The following ZC3H13 variants were observed in gnomAD, a reference collection of about 807,000 sequenced individuals.
The protein encoded by ZC3H13 is zinc finger CCCH-type containing 13.
A neutral mutation model predicts 204.1 loss-of-function variants in ZC3H13; 64 were observed. The ratio of observed to expected loss-of-function variants is 0.31; its 90% CI spans 0.26 to 0.39. ZC3H13 has a LOEUF of 0.39. Ranked by LOEUF, ZC3H13 falls within the 10% of genes least tolerant of loss-of-function variation. The probability of loss-of-function intolerance (pLI) is 1.00; values close to 1 mark genes in which losing one functional copy is unlikely to be tolerated. For missense variants in ZC3H13, 1,833 were observed against 2,082.7 expected (o/e 0.88, Z 2.33); for synonymous variants, 667 against 693.7 (o/e 0.96, Z 0.60).
rs1268194504 is a variant in ZC3H13, at chr13:45,969,216, C to T, written c.3328G>A (p.Ala1110Thr). The T allele has an allele frequency of 6.2e-7, 1 of 1,613,784 alleles. No homozygotes were observed. Among genetic ancestry groups the T allele is most frequent in the African/African-American group, 1.3e-5 (1 of 75,002 alleles). Residue 1110 changes from alanine to threonine, a missense_variant, in exon 14 of 19, where the codon GCC (alanine) becomes ACC (threonine). Around this residue, in one of 5 missense-constraint regions of ZC3H13, gnomAD observed 1,574 missense variants for 1,757.2 expected, o/e 0.90. Coordinates refer to ENST00000679008, the MANE Select transcript of ZC3H13 (RefSeq NM_001330564.2). ...GTTGCAGGCACAGTTGTAGCAGTGG[C>T]AGTAGCCACAGGCGGTGGAGGAGGA... ...LLPPPPPVAT[A>T]TATTVPATLA... is the part of the protein sequence containing the mutation.
chr13:46,038,175 C>G (rs1250300837), intron 4 of ZC3H13, among the ~76,000 whole-genome samples: 1 of 64,602 alleles, frequency 1.5e-5, no homozygotes, highest in Non-Finnish European at 2.8e-5. Context: ...GCCTTCATCT[C>G]ACGTCCACGT....
At chr13:45,985,793 T>C (rs1268944992) in intron 9 of ZC3H13, 32 bp from the exon 10 acceptor site, 2 of 1,543,790 alleles carry the variant, frequency 1.3e-6, no homozygotes. Flanking sequence ...TGACTGTAAT[T>C]GCTTTTACAA....
chr13:46,011,862 C>T (rs1239936257), intron 5 of ZC3H13, among the ~76,000 whole-genome samples: 1 of 152,128 alleles, frequency 6.6e-6, no homozygotes, highest in Non-Finnish European at 1.5e-5. Context: ...ATGCACTCAG[C>T]TGAATTTCTA....
intron 8 of ZC3H13, 23 bp from the exon 9 acceptor site, chr13:45,989,120 T>C: frequency 6.3e-7 from 1 of 1,599,040 alleles, no homozygotes. Context: ...ACAATAACAA[T>C]AAAACATGTA....
intron 5 of ZC3H13, among the ~76,000 whole-genome samples, chr13:46,013,324 G>A (rs1208906145): frequency 6.6e-6 from 1 of 151,772 alleles, no homozygotes; most frequent in Non-Finnish European, 1.5e-5. Flanking sequence ...AGAGGCAGGA[G>A]AATTGCTTGA....
rs2041710510 is a variant in ZC3H13 at position 46,013,474 on chromosome 13, T to C, written c.449-1920A>G. ...AATGTAGTAAATATAACTAATATAG[T>C]TTGCTCAGAAGAAAAGCTCTCAGGT... On this transcript the variant is annotated intron_variant, in intron 5 of 18. Transcript: ENST00000679008. Among the ~76,000 whole-genome samples, 3 of 151,842 alleles carry C rather than the reference T, an allele frequency of 2.0e-5. 1 individual carries two copies. Among genetic ancestry groups the C allele is most frequent in the African/African-American group, 4.8e-5 (2 of 41,368 alleles).
chr13:45,990,051 G>A (rs1330344053), intron 8 of ZC3H13, among the ~76,000 whole-genome samples: 1 of 152,088 alleles, frequency 6.6e-6, no homozygotes, highest in Non-Finnish European at 1.5e-5. Flanking sequence ...GTGCAGTGAT[G>A]GCACAAATCA....
At position 45,975,291 on chromosome 13, in the gene ZC3H13, T is replaced by A. The variant is rs756903849; in HGVS notation, c.2460A>T (p.Arg820Ser). 2 of 1,606,172 alleles carry A rather than the reference T, an allele frequency of 1.2e-6. No homozygotes were observed. The highest frequency in any genetic ancestry group is 8.5e-7 in the Non-Finnish European group (1 of 1,175,146). ...DRNPRDGHDE[R>S]KSKKRYRNEG... ...CTGATAATTATTCTTACTTTGATTT[T>A]CTTTCATCATGTCCATCTCTTGGAT... Residue 820 changes from arginine to serine, a missense_variant, in exon 12 of 19, where the codon AGA becomes AGT. Coordinates refer to ENST00000679008, the MANE Select transcript of ZC3H13 (RefSeq NM_001330564.2).
intron 17 of ZC3H13, among the ~76,000 whole-genome samples, chr13:45,960,438 A>C (rs1327747348): frequency 3.3e-5 from 5 of 152,178 alleles, no homozygotes; most frequent in African/African-American, 1.2e-4. Context: ...GTGACCTCTA[A>C]AAAAATTAGT....
chr13:46,031,366 A>G (rs761876401), intron 4 of ZC3H13, among the ~76,000 whole-genome samples: 19 of 152,154 alleles, frequency 1.2e-4, no homozygotes, highest in Non-Finnish European at 2.5e-4. Context: ...GAGAGTATCT[A>G]GATGACCTTG....
intron 13 of ZC3H13, 113 bp downstream of exon 13, chr13:45,970,249 G>A (rs1952473247): frequency 1.7e-6 from 2 of 1,208,506 alleles, no homozygotes; most frequent in Admixed American, 2.2e-5. Context: ...AGGCAGCAAA[G>A]CAAGACAACT....
intron 2 of ZC3H13, 111 bp downstream of exon 2, chr13:46,045,280 C>T: frequency 9.3e-7 from 1 of 1,072,312 alleles, no homozygotes; most frequent in Non-Finnish European, 1.4e-6. Flanking sequence ...AAAAAATTTA[C>T]TGAACAAACA....
intron 3 of ZC3H13, among the ~76,000 whole-genome samples, chr13:46,042,566 G>C (rs1430860486): frequency 1.3e-5 from 2 of 152,106 alleles, no homozygotes; most frequent in East Asian, 3.9e-4. Context: ...AATTATATGT[G>C]AACTGAGAAA....
At chr13:45,997,480 T>C (rs989168024) in intron 8 of ZC3H13, among the ~76,000 whole-genome samples, 1 of 152,170 alleles carries the variant, frequency 6.6e-6, no homozygotes, top group African/African-American at 2.4e-5. Flanking sequence ...CAAAGTTTTA[T>C]ACATAACTCA....
At position 45,963,982 on chromosome 13, in the gene ZC3H13, G is replaced by C. The variant is rs1353253247; in HGVS notation, c.4535C>G (p.Pro1512Arg). 6.2e-7 allele frequency: 1 copy of C among 1,614,074 alleles called. No individual in the cohort carries two copies. Among genetic ancestry groups the C allele is most frequent in the Non-Finnish European group, 8.5e-7 (1 of 1,179,992 alleles). Residue 1512 changes from proline (P) to arginine (R), a missense_variant, in exon 17 of 19, where the codon CCA becomes CGA. Around this residue, in one of 5 missense-constraint regions of ZC3H13, gnomAD observed 211 missense variants for 228.4 expected, o/e 0.92. Transcript: ENST00000679008. ...TAAGAGTGCAGCCCCAGGCTCTCGT[G>C]GTTCTTTTGGATGCTTTGGCATAAG... Reference protein sequence around the residue: ...SGLMPKHPKEPREPGAALLKF... With the variant: ...SGLMPKHPKERREPGAALLKF...
chr13:45,975,128 TA>T (rs1441624441), intron 12 of ZC3H13, among the ~76,000 whole-genome samples, 154 bp downstream of exon 12: 1 of 151,992 alleles, frequency 6.6e-6, no homozygotes, highest in African/African-American at 2.4e-5. Flanking sequence ...AAAAAAACTT[TA>T]AACACCGATA....
intron 7 of ZC3H13, 200 bp downstream of exon 7, chr13:46,010,148 T>C (rs2041443790): frequency 9.6e-6 from 4 of 416,116 alleles, no homozygotes; most frequent in Non-Finnish European, 1.6e-5. Flanking sequence ...CTGAAGCATA[T>C]GTGGATGTTA....
intron 17 of ZC3H13, among the ~76,000 whole-genome samples, chr13:45,960,288 G>A (rs1566137185): frequency 1.3e-5 from 2 of 152,098 alleles, no homozygotes; most frequent in Non-Finnish European, 2.9e-5. Flanking sequence ...CGTTTTTAAA[G>A]GATGTTTTAA....
At chr13:46,047,845 A>G (rs2044084127) in intron 1 of ZC3H13, among the ~76,000 whole-genome samples, 2 of 152,202 alleles carry the variant, frequency 1.3e-5, no homozygotes, top group South Asian at 4.1e-4. Context: ...ACAAAATTGA[A>G]TAGGTTCCAA....
Sources: gnomAD v4.1 joint callset for allele counts (sites outside exome capture counted in the v4.1 genomes callset) on GRCh38, gnomAD v4.1.1 for gene constraint, gnomAD v4.1.1 regional missense constraint, MANE v1.5 for transcripts, NCBI Gene and HGNC (gene_info 2026-07-23, HGNC 2026-07-21) for gene names.